Variants in SGTB observed in about 807,000 individuals in gnomAD.
The protein encoded by SGTB is small glutamine rich tetratricopeptide repeat co-chaperone beta, also known as small glutamine-rich tetratricopeptide repeat-containing protein beta.
Under a neutral mutation model 43.9 loss-of-function variants are expected in SGTB, and 19 were observed. That is an observed-to-expected ratio of 0.43 (90% confidence interval 0.30 to 0.63). SGTB has a LOEUF of 0.63. SGTB is among the 30% of genes least tolerant of loss of function. SGTB has a pLI of 0.12. For missense variants in SGTB, 304 were observed against 358.9 expected, an observed-to-expected ratio of 0.85 and a Z score of 1.24; for synonymous variants, 116 against 117.3, an observed-to-expected ratio of 0.99 and a Z score of 0.07.
At chr5:65,701,877 C>T (rs1757831683) in intron 5 of SGTB, among the ~76,000 whole-genome samples, 1 of 152,186 alleles carries the variant, frequency 6.6e-6, no homozygotes, top group East Asian at 1.9e-4. Flanking sequence ...TCGTGATCCG[C>T]CCGCGTCGGC....
intron 4 of SGTB, among the ~76,000 whole-genome samples, chr5:65,707,988 C>T (rs949074958): frequency 1.3e-5 from 2 of 152,118 alleles, no homozygotes; most frequent in Admixed American, 6.5e-5. Flanking sequence ...AACACAAATC[C>T]TCAACAGTGA....
rs1433657472 is a variant in SGTB, at chr5:65,666,020, G to A, written c.*4226C>T. On this transcript the variant is annotated 3_prime_UTR_variant, in exon 11 of 11. Transcript: ENST00000381007. ...CAGAAGGTTTGCACCTCAAAATTGA[G>A]TAATAATTAATGAAATGTCTGTACA... The A allele has an allele frequency of 6.6e-6, 1 of 152,528 alleles. No individual in the cohort carries two copies. The highest frequency in any genetic ancestry group is 1.5e-5 in the Non-Finnish European group (1 of 67,976). 9.4% of individuals were successfully genotyped at this position (152,528 alleles called of 1,614,324 possible).
At chr5:65,722,252 G>C, upstream of SGTB, 3 of 608,360 alleles carry the variant, frequency 4.9e-6, no homozygotes, top group Non-Finnish European at 7.7e-6. Context: ...TGGCCAGGCA[G>C]CCACTGTGGC....
chr5:65,702,593 T>C (rs1757845841), intron 5 of SGTB, among the ~76,000 whole-genome samples: 1 of 152,186 alleles, frequency 6.6e-6, no homozygotes, highest in African/African-American at 2.4e-5. Context: ...CCTCCTGCTG[T>C]GTCCTCACAT....
intron 8 of SGTB, among the ~76,000 whole-genome samples, 154 bp from the exon 9 acceptor site, chr5:65,672,435 AAG>A (rs769108639): frequency 1.3e-5 from 2 of 152,190 alleles, no homozygotes; most frequent in Non-Finnish European, 2.9e-5. Context: ...GGAATGTAAA[AAG>A]AGAGAAGGTA....
At chr5:65,688,085 G>T (rs1022247168) in intron 5 of SGTB, among the ~76,000 whole-genome samples, 2 of 152,098 alleles carry the variant, frequency 1.3e-5, no homozygotes, top group Admixed American at 1.3e-4. Context: ...TTGAATCTGG[G>T]ATTACAAAAC....
At chr5:65,689,013 T>C (rs1402146460) in intron 5 of SGTB, among the ~76,000 whole-genome samples, 2 of 152,140 alleles carry the variant, frequency 1.3e-5, no homozygotes, top group Non-Finnish European at 2.9e-5. Context: ...GGTTTCACCG[T>C]GTTAGCCAGG....
rs1383303042 is a variant in SGTB, at chr5:65,669,713, C to T, written c.*533G>A. On this transcript the variant is annotated 3_prime_UTR_variant, in exon 11 of 11. Coordinates refer to ENST00000381007, the MANE Select transcript of SGTB (RefSeq NM_019072.3). The stretch of plus-strand genomic sequence containing the variant: ...GCAACATTAAAGATAACATTGGTTC[C>T]CATGTTATATATTCATTACTAATAG... 1.3e-5 allele frequency: 2 copies of T among 152,608 alleles called. No individual in the cohort carries two copies. The highest frequency in any genetic ancestry group is 3.8e-4 in the East Asian group (2 of 5,198). The allele number at this position is 152,608 out of a possible 1,614,324, so 9.5% of individuals were successfully genotyped here.
At chr5:65,673,938 G>T (rs953747903) in intron 8 of SGTB, among the ~76,000 whole-genome samples, 9 of 152,162 alleles carry the variant, frequency 5.9e-5, no homozygotes, top group African/African-American at 2.2e-4. Flanking sequence ...TTACAGGTGT[G>T]AGCCAGCACA....
intron 5 of SGTB, among the ~76,000 whole-genome samples, chr5:65,685,790 C>T (rs1401577812): frequency 1.3e-5 from 2 of 152,162 alleles, no homozygotes; most frequent in Non-Finnish European, 2.9e-5. Context: ...AAAGCTAGGA[C>T]ATCTTGGCTA....
chr5:65,681,820 CA>C (rs1757403420), intron 6 of SGTB, among the ~76,000 whole-genome samples: 1 of 151,816 alleles, frequency 6.6e-6, no homozygotes, highest in African/African-American at 2.4e-5. Context: ...ACTAAAAATA[CA>C]AAAATTAGCC....
chr5:65,694,469 A>G (rs116538929), intron 5 of SGTB, among the ~76,000 whole-genome samples: 11 of 152,060 alleles, frequency 7.2e-5, no homozygotes, highest in African/African-American at 1.9e-4. Flanking sequence ...AACACCTAAC[A>G]GGGTTTTTTG....
At chr5:65,701,341 T>C (rs1308730587) in intron 5 of SGTB, among the ~76,000 whole-genome samples, 1 of 152,068 alleles carries the variant, frequency 6.6e-6, no homozygotes, top group Admixed American at 6.6e-5. Flanking sequence ...GTTAAAATAG[T>C]AATGCCAGTA....
chr5:65,714,879 T>C (rs879648289), intron 2 of SGTB, among the ~76,000 whole-genome samples: 5 of 152,180 alleles, frequency 3.3e-5, no homozygotes, highest in African/African-American at 7.2e-5. Context: ...TAAAAAGATT[T>C]AGACTTCAAG....
chr5:65,720,326 C>T (rs753644806), intron 2 of SGTB, among the ~76,000 whole-genome samples: 1 of 152,108 alleles, frequency 6.6e-6, no homozygotes, highest in Non-Finnish European at 1.5e-5. Context: ...AAATGACCTA[C>T]CTGCCTCGGC....
chr5:65,720,944 A>T (rs1758260778), intron 1 of SGTB, 115 bp from the exon 2 acceptor site: 1 of 1,055,656 alleles, frequency 9.5e-7, no homozygotes, highest in Non-Finnish European at 1.3e-6. Flanking sequence ...AAAACAAAAC[A>T]CAAAACTGTA....
chr5:65,673,970 T>C (rs1373886001), intron 8 of SGTB, among the ~76,000 whole-genome samples: 1 of 152,206 alleles, frequency 6.6e-6, no homozygotes, highest in African/African-American at 2.4e-5. Flanking sequence ...AGTGCTTCTT[T>C]ATCCTGTAGT....
At chr5:65,697,159 C>T (rs537317122) in intron 5 of SGTB, among the ~76,000 whole-genome samples, 2 of 152,184 alleles carry the variant, frequency 1.3e-5, no homozygotes, top group South Asian at 2.1e-4. Flanking sequence ...CAAAGTGATC[C>T]TAAAGCTTTG....
In SGTB at chr5:65,708,502, T is replaced by C. The variant is rs767325045; in HGVS notation, c.261A>G (p.Gln87=). 2 of 1,612,874 alleles carry C rather than the reference T, an allele frequency of 1.2e-6. No individual in the cohort carries two copies. Among genetic ancestry groups the C allele is most frequent in the Admixed American group, 1.7e-5 (1 of 59,672 alleles). Residue 87 remains glutamine (Q), a synonymous_variant, in exon 4 of 11, where the codon CAA becomes CAG. Coordinates refer to ENST00000381007, the MANE Select transcript of SGTB (RefSeq NM_019072.3). ...SVPEDVGKAD[Q]LKDEGNNHMK... ...TGAAATATTCACCTTCATCTTTTAATTGGTCAGCTTTTCCCACATCTTCAG... is the reference window on the plus strand; with the variant it reads ...TGAAATATTCACCTTCATCTTTTAACTGGTCAGCTTTTCCCACATCTTCAG...
Sources: allele counts gnomAD v4.1 joint callset (sites outside exome capture counted in the v4.1 genomes callset), GRCh38; gene constraint gnomAD v4.1.1; transcripts MANE v1.5; gene names NCBI Gene and HGNC (gene_info 2026-07-23, HGNC 2026-07-21).